ST6GAL1: variants seen among roughly 807,000 people sequenced by gnomAD.
The protein encoded by ST6GAL1 is ST6 beta-galactoside alpha-2,6-sialyltransferase 1, also known as beta-galactoside alpha-2,6-sialyltransferase 1.
ST6GAL1 carries 20 observed loss-of-function variants against 38.0 expected under a neutral mutation model. The ratio of observed to expected loss-of-function variants is 0.53; its 90% CI spans 0.37 to 0.77. ST6GAL1 has a LOEUF of 0.77. ST6GAL1 is among the 30% of genes least tolerant of loss of function. The pLI, the probability that ST6GAL1 is intolerant of heterozygous loss-of-function variation, is 0.00. For missense variants in ST6GAL1, 432 were observed against 496.4 expected, an observed-to-expected ratio of 0.87 and a Z score of 1.23; for synonymous variants, 196 against 188.2, an observed-to-expected ratio of 1.04 and a Z score of -0.34.
intron 1 of ST6GAL1, among the ~76,000 whole-genome samples, chr3:186,953,685 T>G (rs1344703715): frequency 1.3e-5 from 2 of 152,186 alleles, no homozygotes; most frequent in African/African-American, 4.8e-5. Flanking sequence ...CCCAGAGCAA[T>G]GCCTCAGGTA....
At chr3:187,073,300 T>A (rs1221667325) in intron 6 of ST6GAL1, 1 of 203,592 alleles carries the variant, frequency 4.9e-6, no homozygotes, top group Non-Finnish European at 1.0e-5. Context: ...GTAAATAATA[T>A]TAGCACACTT....
chr3:187,042,819 A>C lies in ST6GAL1; in HGVS notation c.116A>C (p.Lys39Thr). The C allele has an allele frequency of 6.2e-7, 1 of 1,614,150 alleles. No individual in the cohort carries two copies. The highest frequency in any genetic ancestry group is 2.2e-5 in the East Asian group (1 of 44,884). The change falls in exon 4 of 8, where the codon AAA becomes ACA. Residue 39 changes from lysine to threonine, a missense_variant. By Grantham distance (78) the Lys-to-Thr change is moderately conservative. Coordinates refer to ENST00000169298, the MANE Select transcript of ST6GAL1 (RefSeq NM_173216.2). Reference protein sequence around the residue: ...KKKGSYYDSFKLQTKEFQVLK... With the variant: ...KKKGSYYDSFTLQTKEFQVLK... ...AAAGGGAGTTACTATGATTCCTTTA[A>C]ATTGCAAACCAAGGAATTCCAGGTG...
Position 187,059,340 on chromosome 3 carries a change from C to T in ST6GAL1, c.705+7994C>T, listed in dbSNP as rs187843564. Among the ~76,000 whole-genome samples the T allele has an allele frequency of 2.4e-4, 36 of 152,316 alleles. No individual in the cohort carries two copies. The East Asian group carries it at 6.7e-3, about 29-fold the overall frequency. The stretch of plus-strand genomic sequence containing the variant: ...GCTCTGGCAAGTGTGGAAATTCAGA[C>T]AGAGGGTTAGGACCAGCTTTGTCCC... On this transcript the variant is annotated intron_variant, in intron 5 of 7. Coordinates refer to ENST00000169298, the MANE Select transcript of ST6GAL1 (RefSeq NM_173216.2).
At chr3:186,949,716 A>G (rs1353893891) in intron 1 of ST6GAL1, among the ~76,000 whole-genome samples, 4 of 152,232 alleles carry the variant, frequency 2.6e-5, no homozygotes, top group Non-Finnish European at 5.9e-5. Flanking sequence ...TCATTCGGAA[A>G]AAAAACCACA....
intron 2 of ST6GAL1, among the ~76,000 whole-genome samples, chr3:186,990,650 C>CT (rs111805405): frequency 0.029 from 3,724 of 129,532 alleles, 61 homozygotes; most frequent in South Asian, 0.043. Context: ...ACAGGATGTT[C>CT]TTTTTTTTTT....
chr3:186,965,690 A>G (rs6786498), intron 2 of ST6GAL1, among the ~76,000 whole-genome samples: 152,198 of 152,316 alleles, frequency 1, 76,040 homozygotes, highest in Middle Eastern at 1. Flanking sequence ...AGGATGGAGC[A>G]CTGCTCAGGA....
chr3:186,948,611 TC>T (rs1714468571), intron 1 of ST6GAL1: 1 of 152,428 alleles, frequency 6.6e-6, no homozygotes, highest in African/African-American at 2.4e-5. Flanking sequence ...CCCAGGCTAT[TC>T]CATATCGCTG....
At chr3:186,975,457 T>G (rs1715492047) in intron 2 of ST6GAL1, among the ~76,000 whole-genome samples, 1 of 152,114 alleles carries the variant, frequency 6.6e-6, no homozygotes, top group Admixed American at 6.5e-5. Context: ...AAAGAAGAAG[T>G]GCAGGGGAGA....
intron 2 of ST6GAL1, among the ~76,000 whole-genome samples, chr3:187,002,504 T>C (rs1481924848): frequency 6.6e-6 from 1 of 152,252 alleles, no homozygotes; most frequent in Non-Finnish European, 1.5e-5. Context: ...CAAGGACTTC[T>C]TTCCCTCATT....
intron 2 of ST6GAL1, among the ~76,000 whole-genome samples, chr3:187,010,794 G>A (rs562985231): frequency 2.6e-5 from 4 of 152,274 alleles, no homozygotes; most frequent in South Asian, 2.1e-4. Context: ...AAAGCCCCGC[G>A]TCTATCACCT....
intron 2 of ST6GAL1, among the ~76,000 whole-genome samples, chr3:187,022,582 G>C (rs1013189795): frequency 6.6e-6 from 1 of 152,066 alleles, no homozygotes; most frequent in African/African-American, 2.4e-5. Context: ...TCTCTTCTCA[G>C]ACCTTTGGGT....
chr3:186,944,568 A>C (rs572892657), intron 1 of ST6GAL1, among the ~76,000 whole-genome samples: 1 of 152,364 alleles, frequency 6.6e-6, no homozygotes, highest in South Asian at 2.1e-4. Flanking sequence ...TCAATGAAAT[A>C]AAAAAGGTAA....
intron 2 of ST6GAL1, among the ~76,000 whole-genome samples, chr3:187,034,039 A>G (rs1717843403): frequency 1.3e-5 from 2 of 152,296 alleles, no homozygotes; most frequent in African/African-American, 4.8e-5. Context: ...GAAAAGAGAG[A>G]AGATACAAAT....
rs1341404407 is a variant in ST6GAL1 at position 187,078,030 on chromosome 3, T to C, written c.*2227T>C. 1 of 152,596 alleles carries C rather than the reference T, an allele frequency of 6.6e-6. No homozygotes were observed. The highest frequency in any genetic ancestry group is 1.5e-5 in the Non-Finnish European group (1 of 68,058). 9.5% of individuals were successfully genotyped at this position (152,596 alleles called of 1,614,324 possible). A position where few individuals can be genotyped will look rare whatever the true frequency, so the allele number is the denominator to read the frequency against. Reference sequence around the variant, plus strand: ...CTCTCTGGGCCCATGAATTCCTGGCTTGGTTTATGTTCTGATTTGACACAC... The same window carrying C: ...CTCTCTGGGCCCATGAATTCCTGGCCTGGTTTATGTTCTGATTTGACACAC... On this transcript the variant is annotated 3_prime_UTR_variant, in exon 8 of 8. Transcript: ENST00000169298.
intron 2 of ST6GAL1, among the ~76,000 whole-genome samples, chr3:187,007,167 G>C (rs777733930): frequency 1.3e-5 from 2 of 152,196 alleles, no homozygotes; most frequent in Non-Finnish European, 2.9e-5. Context: ...TTGCAGAACA[G>C]TGTGGAAAGC....
chr3:186,970,814 A>G (rs867228292), intron 2 of ST6GAL1, among the ~76,000 whole-genome samples: 3 of 152,158 alleles, frequency 2.0e-5, no homozygotes, highest in Non-Finnish European at 2.9e-5. Flanking sequence ...ATGGAAGGGC[A>G]TTTTGCTTAA....
intron 2 of ST6GAL1, among the ~76,000 whole-genome samples, chr3:186,995,510 A>AT (rs1560155442): frequency 0.028 from 1,940 of 68,862 alleles, 97 homozygotes; most frequent in African/African-American, 0.1. Flanking sequence ...CATCTCAAAA[A>AT]AAAAATAATA....
At chr3:187,066,069 G>C (rs558535926) in intron 5 of ST6GAL1, among the ~76,000 whole-genome samples, 4 of 152,284 alleles carry the variant, frequency 2.6e-5, no homozygotes, top group East Asian at 1.9e-4. Context: ...TATCTGGATG[G>C]GTTGGCAGGG....
chr3:187,022,824 T>G (rs1717378327), intron 2 of ST6GAL1, among the ~76,000 whole-genome samples: 1 of 152,136 alleles, frequency 6.6e-6, no homozygotes, highest in African/African-American at 2.4e-5. Context: ...CAGAGTCAGG[T>G]TGGAGAGTAA....
Sources: gnomAD v4.1 joint callset for allele counts (sites outside exome capture counted in the v4.1 genomes callset) on GRCh38, gnomAD v4.1.1 for gene constraint, MANE v1.5 for transcripts, NCBI Gene and HGNC (gene_info 2026-07-23, HGNC 2026-07-21) for gene names.